The following PARN variants were observed in gnomAD, a reference collection of about 807,000 sequenced individuals.
The protein encoded by PARN is poly(A)-specific ribonuclease.
In PARN, 71 loss-of-function variants were observed where a neutral mutation model predicts 102.8. That is an observed-to-expected ratio of 0.69 (90% CI 0.57 to 0.84). The LOEUF (loss-of-function observed/expected upper bound fraction) is 0.84. Ranked by LOEUF, PARN falls within the 40% of genes least tolerant of loss-of-function variation. The pLI is 0.00. For missense variants in PARN, 782 were observed against 760.9 expected (o/e 1.03, Z -0.33); for synonymous variants, 261 against 252.9 (o/e 1.03, Z -0.30).
chr16:14,486,800 A>C (rs1227793476), intron 21 of PARN, among the ~76,000 whole-genome samples: 1 of 152,244 alleles, frequency 6.6e-6, no homozygotes, highest in Non-Finnish European at 1.5e-5. Context: ...TCCTCCAGCT[A>C]TTCCAGCTCG....
chr16:14,627,941 A>C (rs1972780290), intron 3 of PARN, among the ~76,000 whole-genome samples: 1 of 152,176 alleles, frequency 6.6e-6, no homozygotes, highest in Admixed American at 6.5e-5. Flanking sequence ...CCAGGAGTTC[A>C]AGGCTCCACA....
intron 6 of PARN, among the ~76,000 whole-genome samples, chr16:14,614,037 C>G (rs1971702300): frequency 6.6e-6 from 1 of 152,032 alleles, no homozygotes; most frequent in Non-Finnish European, 1.5e-5. Flanking sequence ...GGGGTGGCGG[C>G]AGGAATACCA....
chr16:14,536,835 T>A (rs1163650411), intron 21 of PARN, among the ~76,000 whole-genome samples: 1 of 152,066 alleles, frequency 6.6e-6, no homozygotes, highest in Non-Finnish European at 1.5e-5. Flanking sequence ...CTCAAAACTA[T>A]AAAACTACTA....
intron 21 of PARN, among the ~76,000 whole-genome samples, chr16:14,483,488 T>C (rs1963490389): frequency 6.6e-6 from 1 of 152,158 alleles, no homozygotes; most frequent in Admixed American, 6.5e-5. Flanking sequence ...CCAGGGTCCT[T>C]CTTATTACTC....
chr16:14,454,525 A>G (rs1961597233), intron 22 of PARN, among the ~76,000 whole-genome samples: 1 of 151,992 alleles, frequency 6.6e-6, no homozygotes, highest in Non-Finnish European at 1.5e-5. Flanking sequence ...TTTTTCTTCT[A>G]CCAGTGGTTA....
intron 22 of PARN, among the ~76,000 whole-genome samples, chr16:14,453,796 C>A (rs1460852558): frequency 6.6e-6 from 1 of 152,138 alleles, no homozygotes; most frequent in African/African-American, 2.4e-5. Context: ...GGCTGGATCA[C>A]AATTTATTCA....
intron 21 of PARN, among the ~76,000 whole-genome samples, chr16:14,539,066 T>C (rs1238159035): frequency 6.6e-6 from 1 of 152,206 alleles, no homozygotes. Context: ...TATTTCATTA[T>C]TACAATGTAA....
intron 18 of PARN, among the ~76,000 whole-genome samples, chr16:14,568,426 G>T (rs1338398796): frequency 6.7e-6 from 1 of 148,610 alleles, no homozygotes; most frequent in Non-Finnish European, 1.5e-5. Flanking sequence ...CATTGGCCAG[G>T]CTGGTATGAA....
intron 6 of PARN, among the ~76,000 whole-genome samples, chr16:14,612,415 G>A (rs558832650): frequency 2.0e-5 from 3 of 151,794 alleles, no homozygotes; most frequent in East Asian, 3.9e-4. Flanking sequence ...TCAGCCTGGC[G>A]ACGGTGTGAC....
chr16:14,550,178 T>A (rs149893523), intron 21 of PARN, among the ~76,000 whole-genome samples: 14 of 152,224 alleles, frequency 9.2e-5, no homozygotes, highest in Non-Finnish European at 1.6e-4. Context: ...AAAGTTATCT[T>A]GAGCTTTCTA....
At chr16:14,618,119 C>T (rs944360541) in intron 5 of PARN, among the ~76,000 whole-genome samples, 51 of 152,006 alleles carry the variant, frequency 3.4e-4, no homozygotes, top group African/African-American at 1.2e-3. Flanking sequence ...GTCAGAAGTT[C>T]GAGACCGGCA....
intron 18 of PARN, among the ~76,000 whole-genome samples, chr16:14,563,314 C>T (rs917157724): frequency 6.6e-6 from 1 of 152,128 alleles, no homozygotes; most frequent in Non-Finnish European, 1.5e-5. Context: ...AAAATGGTCA[C>T]GCCTAGTGTT....
At chr16:14,574,659 G>A (rs1969006226) in intron 18 of PARN, among the ~76,000 whole-genome samples, 1 of 152,152 alleles carries the variant, frequency 6.6e-6, no homozygotes. Flanking sequence ...GTTGCAGTGA[G>A]CCGAGATTGT....
chr16:14,475,399 T>C (rs754446816), intron 22 of PARN, among the ~76,000 whole-genome samples: 3 of 152,236 alleles, frequency 2.0e-5, no homozygotes, highest in Non-Finnish European at 4.4e-5. Context: ...AACACTATGC[T>C]ACCCTGTATT....
intron 5 of PARN, among the ~76,000 whole-genome samples, chr16:14,626,257 G>C (rs1225421745): frequency 2.0e-5 from 3 of 152,198 alleles, no homozygotes; most frequent in Non-Finnish European, 4.4e-5. Context: ...CCTCAGAGTG[G>C]ATGCGAGGAG....
intron 14 of PARN, among the ~76,000 whole-genome samples, chr16:14,585,825 CTG>C (rs1969819506): frequency 6.6e-6 from 1 of 152,254 alleles, no homozygotes; most frequent in East Asian, 1.9e-4. Flanking sequence ...TCAGTTCAAA[CTG>C]TGATTTTTTG....
intron 22 of PARN, among the ~76,000 whole-genome samples, chr16:14,458,727 A>C (rs1299392244): frequency 6.6e-6 from 1 of 152,186 alleles, no homozygotes; most frequent in Non-Finnish European, 1.5e-5. Flanking sequence ...GACTGGAGCC[A>C]TGTCAGGAGG....
At chr16:14,446,502 G>T (rs1372906581) in intron 23 of PARN, among the ~76,000 whole-genome samples, 1 of 152,074 alleles carries the variant, frequency 6.6e-6, no homozygotes, top group Non-Finnish European at 1.5e-5. Context: ...GGTTGCCTGG[G>T]GGTTTTGCTG....
chr16:14,570,757 C>T (rs981935142), intron 18 of PARN, among the ~76,000 whole-genome samples: 1 of 149,002 alleles, frequency 6.7e-6, no homozygotes, highest in Non-Finnish European at 1.5e-5. Context: ...GTTGGAGGAT[C>T]GCTTGAGCCC....
Sources: gnomAD v4.1 joint callset for allele counts (sites outside exome capture counted in the v4.1 genomes callset) on GRCh38, gnomAD v4.1.1 for gene constraint, MANE v1.5 for transcripts, NCBI Gene and HGNC (gene_info 2026-07-23, HGNC 2026-07-21) for gene names.